The following SSRP1 variants were observed in gnomAD, a reference collection of about 807,000 sequenced individuals.
The protein encoded by SSRP1 is FACT complex subunit SSRP1.
A neutral mutation model predicts 84.4 loss-of-function variants in SSRP1; 21 were observed. The ratio of observed to expected loss-of-function variants is 0.25; its 90% CI spans 0.18 to 0.36. The LOEUF (loss-of-function observed/expected upper bound fraction) is 0.36, where lower values mean the gene tolerates loss of function less well. Among genes scored for constraint, SSRP1 ranks in the 10% least tolerant of loss-of-function variants. SSRP1 has a pLI of 1.00. For synonymous variants in SSRP1, 319 were observed against 318.3 expected (o/e 1.00, Z -0.02); for missense variants, 519 against 900.8 (o/e 0.58, Z 5.43).
chr11:57,335,427 T>C lies in SSRP1; in HGVS notation c.-119-187A>G. On this transcript the variant is annotated intron_variant, in intron 1 of 16. Coordinates refer to ENST00000278412, the MANE Select transcript of SSRP1 (RefSeq NM_003146.3). This position sits in a 1 kb window ranked among gnomAD's most constrained non-coding sequence, Gnocchi z 4.6. Reference sequence around the variant, plus strand: ...CCTGGGTGGAGAACCGGGCCCGGAATACCGCTGACACCCAACCCGACGCCC... The same window carrying C: ...CCTGGGTGGAGAACCGGGCCCGGAACACCGCTGACACCCAACCCGACGCCC... The C allele has an allele frequency of 2.8e-6, 1 of 356,290 alleles. No homozygotes were observed. The highest frequency in any genetic ancestry group is 6.1e-5 in the East Asian group (1 of 16,276). The allele number at this position is 356,290 out of a possible 1,614,324, so 22.1% of individuals were successfully genotyped here. A position where few individuals can be genotyped will look rare whatever the true frequency, so the allele number is the denominator to read the frequency against.
At chr11:57,326,583 C>G (rs968762751) in intron 16 of SSRP1, 105 bp from the exon 17 acceptor site, 8 of 1,588,304 alleles carry the variant, frequency 5.0e-6, no homozygotes, top group Admixed American at 1.7e-5. Flanking sequence ...TACAGCACCC[C>G]CCTTCAGAAC....
chr11:57,326,769 C>T lies in SSRP1; in HGVS notation c.1992G>A (p.Glu664=). The change falls in exon 16 of 17, where the codon GAG becomes GAA. Residue 664 remains glutamate, a synonymous_variant. Transcript: ENST00000278412. Reference sequence around the variant, plus strand: ...AAGAGCTCTCATCACTAGACACAAACTCTTTGCTCTTGAAGCTCTCGCTTA... The same window carrying T: ...AAGAGCTCTCATCACTAGACACAAATTCTTTGCTCTTGAAGCTCTCGCTTA... ...RQLSESFKSK[E]FVSSDESSSG... 1 of 1,614,256 alleles carries T rather than the reference C, an allele frequency of 6.2e-7. No individual in the cohort carries two copies. The highest frequency in any genetic ancestry group is 1.1e-5 in the South Asian group (1 of 91,090).
chr11:57,331,652 A>C lies in SSRP1; in HGVS notation c.1223+16T>G, dbSNP rs999048122. 5 of 1,604,692 alleles carry C rather than the reference A, an allele frequency of 3.1e-6. No homozygotes were observed. The highest frequency in any genetic ancestry group is 4.3e-6 in the Non-Finnish European group (5 of 1,171,630). ...GGGACCAGGATGCCCAGGAAGTGACAGGTGGAGGTTCTCACCTCTCAATGC... is the reference window on the plus strand; with the variant it reads ...GGGACCAGGATGCCCAGGAAGTGACCGGTGGAGGTTCTCACCTCTCAATGC... On this transcript the variant is annotated intron_variant, in intron 9 of 16. Coordinates refer to ENST00000278412, the MANE Select transcript of SSRP1 (RefSeq NM_003146.3).
chr11:57,331,269 C>A (rs946489689), intron 9 of SSRP1, among the ~76,000 whole-genome samples: 1 of 152,038 alleles, frequency 6.6e-6, no homozygotes, highest in Non-Finnish European at 1.5e-5. Flanking sequence ...GAGGATTACA[C>A]GTGAAGATGC....
At chr11:57,328,271 C>CA (rs763593283) in intron 13 of SSRP1, 26 bp downstream of exon 13, 27 of 1,612,470 alleles carry the variant, frequency 1.7e-5, no homozygotes, top group Non-Finnish European at 1.4e-5. Flanking sequence ...GCACCACACA[C>CA]AGGCCCTCCC....
intron 9 of SSRP1, among the ~76,000 whole-genome samples, chr11:57,331,441 GA>G (rs1356745525): frequency 6.6e-6 from 1 of 152,022 alleles, no homozygotes; most frequent in African/African-American, 2.4e-5. Context: ...TCAGAATACG[GA>G]AAAAGTTTTT....
chr11:57,334,379 C>T, intron 3 of SSRP1, 84 bp downstream of exon 3: 1 of 1,511,068 alleles, frequency 6.6e-7, no homozygotes, highest in Non-Finnish European at 9.0e-7. Flanking sequence ...CACAGGGTTA[C>T]ATGAGGAAGG....
chr11:57,328,280 C>T lies in SSRP1; in HGVS notation c.1611+17G>A, dbSNP rs774838421. The T allele has an allele frequency of 6.8e-6, 11 of 1,613,586 alleles. No homozygotes were observed. The highest frequency in any genetic ancestry group is 6.8e-6 in the Non-Finnish European group (8 of 1,179,700). ...CCCACTGCACCACACACAGGCCCTC[C>T]CATCTACAGTCTGCACCTCCACAGG... On this transcript the variant is annotated intron_variant, in intron 13 of 16. Coordinates refer to ENST00000278412, the MANE Select transcript of SSRP1 (RefSeq NM_003146.3).
intron 15 of SSRP1, 122 bp from the exon 16 acceptor site, chr11:57,327,011 G>A (rs1482196583): frequency 4.2e-5 from 60 of 1,434,778 alleles, no homozygotes; most frequent in Middle Eastern, 2.4e-4. Context: ...CACTCTGAAC[G>A]TAAATAGCTG....
Position 57,330,425 on chromosome 11 carries a change from A to G in SSRP1, c.1301T>C (p.Met434Thr). The G allele has an allele frequency of 6.2e-7, 1 of 1,613,716 alleles. No homozygotes were observed. Residue 434 changes from methionine (M) to threonine (T), a missense_variant, in exon 11 of 17, where the codon ATG (methionine) becomes ACG (threonine). Coordinates refer to ENST00000278412, the MANE Select transcript of SSRP1 (RefSeq NM_003146.3). The surrounding 1 kb of genome is among the most constrained non-coding windows in gnomAD (Gnocchi z 4.0). Reference protein sequence around the residue: ...NIKNRGLKEGMNPSYDEYADS... With the variant: ...NIKNRGLKEGTNPSYDEYADS... ...AGCATATTCATCGTAGCTTGGGTTC[A>G]TGCCCTAGCCAGGGAAGAGTTCACG...
chr11:57,333,101 G>T lies in SSRP1; in HGVS notation c.395C>A (p.Pro132His). Reference sequence around the variant, plus strand: ...GGTGCACTGGGACACATTGCTGAGGGGTATCTCAAAGACTGGCTGGTCACC... The same window carrying T: ...GGTGCACTGGGACACATTGCTGAGGTGTATCTCAAAGACTGGCTGGTCACC... Reference protein sequence around the residue: ...DIGDQPVFEIPLSNVSQCTTG... With the variant: ...DIGDQPVFEIHLSNVSQCTTG... The change falls in exon 5 of 17, where the codon CCC becomes CAC. Residue 132 changes from proline to histidine, a missense_variant. By Grantham distance (77) the Pro-to-His change is moderately conservative. Transcript: ENST00000278412. The T allele has an allele frequency of 6.2e-7, 1 of 1,613,880 alleles. No homozygotes were observed. The highest frequency in any genetic ancestry group is 8.5e-7 in the Non-Finnish European group (1 of 1,179,874).
Position 57,326,273 on chromosome 11 carries a change from A to T in SSRP1, c.*134T>A. 1.2e-6 allele frequency: 1 copy of T among 825,290 alleles called. No homozygotes were observed. Among genetic ancestry groups the T allele is most frequent in the Non-Finnish European group, 2.0e-6 (1 of 500,864 alleles). 51.1% of individuals were successfully genotyped at this position (825,290 alleles called of 1,614,324 possible). On this transcript the variant is annotated 3_prime_UTR_variant, in exon 17 of 17. Coordinates refer to ENST00000278412, the MANE Select transcript of SSRP1 (RefSeq NM_003146.3). The stretch of plus-strand genomic sequence containing the variant: ...TCTCCCCACTGCCCTAGTGACATAC[A>T]CACCAACAGGAGAGCATGTTCAGAT...
chr11:57,332,261 A>T lies in SSRP1; in HGVS notation c.892T>A (p.Phe298Ile). Residue 298 changes from phenylalanine to isoleucine, a missense_variant, in exon 8 of 17, where the codon TTT (phenylalanine) becomes ATT (isoleucine). Around this residue, in one of 7 missense-constraint regions of SSRP1, gnomAD observed 159 missense variants for 359.0 expected, o/e 0.44. Transcript: ENST00000278412. This position sits in a 1 kb window ranked among gnomAD's most constrained non-coding sequence, Gnocchi z 5.5. ...NMNEEEVEKR[F>I]EGRLTKNMSG... Reference sequence around the variant, plus strand: ...ATGTTCTTGGTGAGCCGACCCTCAAAGCGCTTCTCCACTTCTTCCCTACAA... The same window carrying T: ...ATGTTCTTGGTGAGCCGACCCTCAATGCGCTTCTCCACTTCTTCCCTACAA... 1 of 1,614,030 alleles carries T rather than the reference A, an allele frequency of 6.2e-7. No individual in the cohort carries two copies. The highest frequency in any genetic ancestry group is 8.5e-7 in the Non-Finnish European group (1 of 1,180,016).
intron 9 of SSRP1, among the ~76,000 whole-genome samples, 170 bp downstream of exon 9, chr11:57,331,498 A>G (rs1159170091): frequency 2.6e-5 from 4 of 152,074 alleles, no homozygotes; most frequent in Non-Finnish European, 5.9e-5. Context: ...AAAGAAAGCA[A>G]TGGAGAGGTT....
Position 57,330,050 on chromosome 11 carries a change from A to G in SSRP1, c.1481+43T>C. ...AGAAATCTTCTGGTCCCTTAAGCTT[A>G]TGGGTCACCATCTTATCCCCACAAG... On this transcript the variant is annotated intron_variant, in intron 12 of 16. Coordinates refer to ENST00000278412, the MANE Select transcript of SSRP1 (RefSeq NM_003146.3). This position sits in a 1 kb window ranked among gnomAD's most constrained non-coding sequence, Gnocchi z 4.0. 6.2e-7 allele frequency: 1 copy of G among 1,612,146 alleles called. No individual in the cohort carries two copies. Among genetic ancestry groups the G allele is most frequent in the African/African-American group, 1.3e-5 (1 of 74,988 alleles).
At chr11:57,333,196 T>C in intron 4 of SSRP1, 47 bp from the exon 5 acceptor site, 1 of 1,558,660 alleles carries the variant, frequency 6.4e-7, no homozygotes, top group South Asian at 1.2e-5. Context: ...CCCTTAAGTC[T>C]GCATAAGCAA....
chr11:57,327,975 G>A (rs1856017672), intron 13 of SSRP1, 93 bp from the exon 14 acceptor site: 12 of 1,471,826 alleles, frequency 8.2e-6, no homozygotes, highest in Non-Finnish European at 1.0e-5. Context: ...TGGAGAAAAA[G>A]TGGAGGACTA....
At chr11:57,331,554 G>A (rs1856091649) in intron 9 of SSRP1, 114 bp downstream of exon 9, 1 of 774,078 alleles carries the variant, frequency 1.3e-6, no homozygotes. Flanking sequence ...TCCTGATGTA[G>A]CAAAAGAAAA....
intron 2 of SSRP1, 69 bp from the exon 3 acceptor site, chr11:57,334,717 T>G: frequency 6.5e-7 from 1 of 1,543,916 alleles, no homozygotes; most frequent in Non-Finnish European, 8.8e-7. Context: ...CAGCTCTACC[T>G]AACACACATT....
Sources: allele counts gnomAD v4.1 joint callset (sites outside exome capture counted in the v4.1 genomes callset), GRCh38; gene constraint gnomAD v4.1.1; regional missense constraint gnomAD v4.1.1; non-coding constraint Gnocchi (gnomAD v3.1); transcripts MANE v1.5; gene names NCBI Gene and HGNC (gene_info 2026-07-23, HGNC 2026-07-21).